PLD1: variants seen among roughly 807,000 people sequenced by gnomAD.
PLD1 encodes the protein choline phosphatase 1.
Under a neutral mutation model 137.1 loss-of-function variants are expected in PLD1, and 112 were observed. That is an observed-to-expected ratio of 0.82 (90% CI 0.70 to 0.96). The LOEUF (loss-of-function observed/expected upper bound fraction) is 0.96. Ranked by LOEUF, PLD1 falls within the 40% of genes least tolerant of loss-of-function variation. PLD1 has a pLI of 0.00. For missense variants in PLD1, 1,321 were observed against 1,342.0 expected (o/e 0.98, Z 0.24); for synonymous variants, 431 against 454.7 (o/e 0.95, Z 0.66).
At chr3:171,739,257 T>G (rs1043639905) in intron 1 of PLD1, among the ~76,000 whole-genome samples, 2 of 152,140 alleles carry the variant, frequency 1.3e-5, no homozygotes, top group South Asian at 4.1e-4. Flanking sequence ...ATATGGGAAA[T>G]GCTAAGAAAG....
At chr3:171,741,827 A>G (rs566952587) in intron 1 of PLD1, among the ~76,000 whole-genome samples, 2 of 152,364 alleles carry the variant, frequency 1.3e-5, no homozygotes, top group Admixed American at 6.5e-5. Context: ...ATCAAAGAGA[A>G]GCAGATACTT....
Position 171,642,907 on chromosome 3 carries a change from A to G in PLD1, c.2544-18T>C. ...ACATGGTTCTGAAAATATGTAAAGG[A>G]GAAAATAATTACAGAGGTTTCAAAA... is the stretch of plus-strand genomic sequence containing the variant. On this transcript the variant is annotated intron_variant, in intron 22 of 26. Transcript: ENST00000351298. 2 of 1,481,538 alleles carry G rather than the reference A, an allele frequency of 1.3e-6. No individual in the cohort carries two copies. The highest frequency in any genetic ancestry group is 1.9e-6 in the Non-Finnish European group (2 of 1,066,886). The allele number at this position is 1,481,538 out of a possible 1,614,324, so 91.8% of individuals were successfully genotyped here.
chr3:171,663,439 T>C (rs1288931503), intron 19 of PLD1, among the ~76,000 whole-genome samples: 1 of 152,244 alleles, frequency 6.6e-6, no homozygotes, highest in Non-Finnish European at 1.5e-5. Context: ...AGTTCTACTT[T>C]ATAGGGTCAT....
chr3:171,609,114 A>C (rs2108262544), intron 25 of PLD1, among the ~76,000 whole-genome samples: 1 of 152,328 alleles, frequency 6.6e-6, no homozygotes. Flanking sequence ...GAAGACACAC[A>C]AGCAGCCAAC....
At chr3:171,734,184 G>C (rs917379908) in intron 5 of PLD1, among the ~76,000 whole-genome samples, 1 of 152,058 alleles carries the variant, frequency 6.6e-6, no homozygotes, top group African/African-American at 2.4e-5. Flanking sequence ...GAAAATATTT[G>C]GTCCAGATGC....
chr3:171,742,743 C>G (rs1033935445), intron 1 of PLD1, among the ~76,000 whole-genome samples: 1 of 152,120 alleles, frequency 6.6e-6, no homozygotes, highest in Non-Finnish European at 1.5e-5. Flanking sequence ...ACTTGATGCT[C>G]TCTGAGATAT....
chr3:171,658,388 A>T (rs1737389300), intron 21 of PLD1, among the ~76,000 whole-genome samples: 1 of 152,224 alleles, frequency 6.6e-6, no homozygotes, highest in Non-Finnish European at 1.5e-5. Context: ...ATAGGCAAAA[A>T]GTAGAAACAA....
At chr3:171,729,470 AC>A (rs1403753715) in intron 6 of PLD1, among the ~76,000 whole-genome samples, 2 of 152,142 alleles carry the variant, frequency 1.3e-5, no homozygotes, top group Non-Finnish European at 2.9e-5. Flanking sequence ...TGCCCCTTCC[AC>A]CCATCCTTGT....
rs369072268 is a variant in PLD1 at position 171,709,728 on chromosome 3, A to G, written c.912-19T>C. ...AAGTGTCCTTTAAAGAAAAAGCCAA[A>G]TATTGAAAAGACTGGTCACTCTGTT... is the stretch of plus-strand genomic sequence containing the variant. On this transcript the variant is annotated intron_variant, in intron 9 of 26. Coordinates refer to ENST00000351298, the MANE Select transcript of PLD1 (RefSeq NM_002662.5). 24 of 1,606,878 alleles carry G rather than the reference A, an allele frequency of 1.5e-5. No homozygotes were observed. The highest frequency in any genetic ancestry group is 2.0e-5 in the Non-Finnish European group (24 of 1,176,476).
intron 1 of PLD1, among the ~76,000 whole-genome samples, chr3:171,794,570 T>C (rs1381258041): frequency 6.6e-6 from 1 of 152,174 alleles, no homozygotes; most frequent in East Asian, 1.9e-4. Flanking sequence ...CGTTTCTGTT[T>C]TGCTAATTGT....
At chr3:171,713,393 A>G (rs1184995263) in intron 9 of PLD1, among the ~76,000 whole-genome samples, 1 of 152,202 alleles carries the variant, frequency 6.6e-6, no homozygotes, top group East Asian at 1.9e-4. Flanking sequence ...CCTGAAAGAT[A>G]GAGTTTCAGT....
intron 1 of PLD1, among the ~76,000 whole-genome samples, chr3:171,768,202 T>C (rs1438802622): frequency 1.3e-5 from 2 of 152,150 alleles, no homozygotes; most frequent in Admixed American, 6.5e-5. Context: ...TCCTCAACTT[T>C]TGCAATCCCT....
intron 21 of PLD1, among the ~76,000 whole-genome samples, chr3:171,657,313 G>A (rs996788947): frequency 6.6e-6 from 1 of 152,124 alleles, no homozygotes; most frequent in African/African-American, 2.4e-5. Context: ...AAGTATAAAA[G>A]TCCCCAAATA....
At chr3:171,684,347 G>A (rs935726151) in intron 16 of PLD1, among the ~76,000 whole-genome samples, 3 of 152,062 alleles carry the variant, frequency 2.0e-5, no homozygotes, top group South Asian at 2.1e-4. Context: ...ACATTGAAAC[G>A]ATAAGGCACT....
chr3:171,605,368 T>A lies in PLD1; in HGVS notation c.2931A>T (p.Pro977=). 1 of 1,613,930 alleles carries A rather than the reference T, an allele frequency of 6.2e-7. No individual in the cohort carries two copies. ...CCTCCTTGAAGAATTTGTCACTCAC[T>A]GGATCCTGAATGTCCTCACTTGGGT... is the stretch of plus-strand genomic sequence containing the variant. ...LDDPSEDIQD[P]VSDKFFKEVW... Residue 977 remains proline (P), a synonymous_variant, in exon 26 of 27, where the codon CCA becomes CCT. Transcript: ENST00000351298.
chr3:171,706,123 A>T (rs28407244), intron 11 of PLD1, among the ~76,000 whole-genome samples: 10,977 of 127,420 alleles, frequency 0.086, 415 homozygotes, highest in South Asian at 0.13. Flanking sequence ...CGGGTCAGTC[A>T]GTCTATCTAT....
rs367795536 is a variant in PLD1 at position 171,718,697 on chromosome 3, C to G, written c.759-4652G>C. ...GCCCTGAAGTCAGCCTCCCTGGGCT[C>G]CAATTCCACCTGCCACTCACTGCTT... On this transcript the variant is annotated intron_variant, in intron 8 of 26. Coordinates refer to ENST00000351298, the MANE Select transcript of PLD1 (RefSeq NM_002662.5). 9.2e-5 allele frequency among the ~76,000 whole-genome samples: 14 copies of G among 152,216 alleles called. 1 individual carries two copies. Among genetic ancestry groups the G allele is most frequent in the African/African-American group, 3.4e-4 (14 of 41,542 alleles).
intron 23 of PLD1, among the ~76,000 whole-genome samples, chr3:171,638,202 A>AAAAAAGAT: frequency 6.6e-6 from 1 of 151,804 alleles, no homozygotes; most frequent in South Asian, 2.1e-4. Context: ...AAAAAAAAAA[A>AAAAAAGAT]AAAAAGATAC....
At chr3:171,769,603 C>T (rs531960256) in intron 1 of PLD1, among the ~76,000 whole-genome samples, 2 of 152,288 alleles carry the variant, frequency 1.3e-5, no homozygotes, top group South Asian at 2.1e-4. Flanking sequence ...GGCAATAACA[C>T]AGCTGTACAA....
Sources: gnomAD v4.1 joint callset for allele counts (sites outside exome capture counted in the v4.1 genomes callset) on GRCh38, gnomAD v4.1.1 for gene constraint, MANE v1.5 for transcripts, NCBI Gene and HGNC (gene_info 2026-07-23, HGNC 2026-07-21) for gene names.